CSMD2: variants seen among roughly 807,000 people sequenced by gnomAD.
The protein encoded by CSMD2 is CUB and Sushi multiple domains 2.
Under a neutral mutation model 398.5 loss-of-function variants are expected in CSMD2, and 130 were observed. The ratio of observed to expected loss-of-function variants is 0.33; its 90% CI spans 0.28 to 0.38. The LOEUF (loss-of-function observed/expected upper bound fraction) is 0.38. Among genes scored for constraint, CSMD2 ranks in the 10% least tolerant of loss-of-function variants. The pLI is 1.00. For missense variants in CSMD2, 3,829 were observed against 4,764.9 expected (o/e 0.80, Z 5.78); for synonymous variants, 1,828 against 1,908.5 (o/e 0.96, Z 1.10).
At chr1:33,634,640 G>A (rs1006738737) in intron 31 of CSMD2, among the ~76,000 whole-genome samples, 3 of 152,336 alleles carry the variant, frequency 2.0e-5, no homozygotes, top group African/African-American at 7.2e-5. Context: ...ATGAGCCTGG[G>A]TTGGTTTTTC....
chr1:33,788,530 C>G, intron 12 of CSMD2, 70 bp downstream of exon 12: 4 of 674,692 alleles, frequency 5.9e-6, no homozygotes, highest in Non-Finnish European at 1.0e-5. Context: ...AAAAAAAATT[C>G]TGACTGCAAA....
At chr1:33,911,118 A>T (rs1643423451) in intron 5 of CSMD2, among the ~76,000 whole-genome samples, 1 of 152,208 alleles carries the variant, frequency 6.6e-6, no homozygotes, top group Admixed American at 6.5e-5. Context: ...GGAAGGAATA[A>T]ATAACTCCTT....
intron 1 of CSMD2, among the ~76,000 whole-genome samples, chr1:34,092,895 T>C (rs1658802430): frequency 6.6e-6 from 1 of 151,982 alleles, no homozygotes; most frequent in Admixed American, 6.6e-5. Context: ...TCGAACTGGG[T>C]GGAGCCCACC....
At chr1:34,136,033 G>A (rs955326184) in intron 1 of CSMD2, among the ~76,000 whole-genome samples, 1 of 152,032 alleles carries the variant, frequency 6.6e-6, no homozygotes, top group Non-Finnish European at 1.5e-5. Flanking sequence ...AAAGGGAAGA[G>A]AAGGAGCAAG....
chr1:33,911,369 G>T (rs1643434457), intron 5 of CSMD2, among the ~76,000 whole-genome samples: 2 of 152,170 alleles, frequency 1.3e-5, no homozygotes, highest in Admixed American at 1.3e-4. Context: ...GCTCTTAAAT[G>T]AGATATCTAG....
intron 3 of CSMD2, among the ~76,000 whole-genome samples, chr1:34,003,378 T>C (rs1279813426): frequency 3.3e-5 from 5 of 152,188 alleles, no homozygotes; most frequent in African/African-American, 1.2e-4. Flanking sequence ...GTAACATAGT[T>C]TTGCGCCTTT....
chr1:33,605,483 C>T lies in CSMD2; in HGVS notation c.6344-13G>A. ...TGAAGTTCATAGGCTGGAAAAGATC[C>T]GGAGAAAAGGTCACTTTATTCTCTC... On this transcript the variant is annotated splice_polypyrimidine_tract_variant and intron_variant, in intron 41 of 70. Coordinates refer to ENST00000373381, the MANE Select transcript of CSMD2 (RefSeq NM_001281956.2). 6.2e-7 allele frequency: 1 copy of T among 1,613,528 alleles called. No homozygotes were observed.
At chr1:33,724,334 G>C (rs966363090) in intron 18 of CSMD2, 21 bp from the exon 19 acceptor site, 16 of 1,582,538 alleles carry the variant, frequency 1.0e-5, no homozygotes, top group African/African-American at 1.3e-5. Flanking sequence ...AGTGAAGAGG[G>C]CAGTGAAAGA....
chr1:33,791,694 C>T (rs1309129374), intron 11 of CSMD2, among the ~76,000 whole-genome samples: 1 of 152,102 alleles, frequency 6.6e-6, no homozygotes. Context: ...CAACATGTTG[C>T]CCAGGCTGGT....
chr1:33,585,440 C>A (rs1639018116), intron 46 of CSMD2, among the ~76,000 whole-genome samples: 1 of 152,218 alleles, frequency 6.6e-6, no homozygotes, highest in Admixed American at 6.5e-5. Flanking sequence ...CAGAATTTCA[C>A]AGGACGCATC....
chr1:33,684,124 G>A (rs554195154), intron 25 of CSMD2, among the ~76,000 whole-genome samples: 1 of 152,256 alleles, frequency 6.6e-6, no homozygotes, highest in East Asian at 1.9e-4. Flanking sequence ...CGACAGCAAG[G>A]GAATCCAGGC....
At chr1:34,154,380 T>C (rs1640608216) in intron 1 of CSMD2, among the ~76,000 whole-genome samples, 1 of 152,198 alleles carries the variant, frequency 6.6e-6, no homozygotes. Context: ...GGACCAAATC[T>C]TCCATCATAT....
intron 25 of CSMD2, among the ~76,000 whole-genome samples, chr1:33,679,494 CCAGCCT>C (rs1201725387): frequency 1.3e-5 from 2 of 152,130 alleles, no homozygotes; most frequent in African/African-American, 4.8e-5. Flanking sequence ...GCCACTGCGC[CCAGCCT>C]CAAATACTAG....
intron 7 of CSMD2, 151 bp from the exon 8 acceptor site, chr1:33,820,707 G>A (rs191525452): frequency 2.3e-5 from 14 of 612,708 alleles, no homozygotes; most frequent in East Asian, 1.3e-4. Context: ...TGGGGTGGCC[G>A]GAGTCTACTG....
intron 3 of CSMD2, among the ~76,000 whole-genome samples, chr1:33,968,102 C>T (rs888454081): frequency 7.9e-5 from 12 of 152,196 alleles, no homozygotes; most frequent in African/African-American, 2.4e-4. Context: ...GATGAGAAGC[C>T]CGACCCATTT....
intron 49 of CSMD2, among the ~76,000 whole-genome samples, chr1:33,576,808 T>G (rs1480542535): frequency 6.6e-6 from 1 of 152,130 alleles, no homozygotes; most frequent in Non-Finnish European, 1.5e-5. Flanking sequence ...TCTACCGTTT[T>G]TTTTTTTCTT....
chr1:33,533,911 C>T lies in CSMD2; in HGVS notation c.9880-4G>A, dbSNP rs779901458. On this transcript the variant is annotated splice_region_variant and splice_polypyrimidine_tract_variant and intron_variant, in intron 62 of 70. Transcript: ENST00000373381. The surrounding 1 kb of genome is among the most constrained non-coding windows in gnomAD (Gnocchi z 4.2). Reference sequence around the variant, plus strand: ...GGAAGAGGACTGTGCTTCCAACCTGCGGCAAGATACAAAGTCCCATCAGCC... The same window carrying T: ...GGAAGAGGACTGTGCTTCCAACCTGTGGCAAGATACAAAGTCCCATCAGCC... The T allele has an allele frequency of 2.1e-5, 33 of 1,595,892 alleles. No individual in the cohort carries two copies. The highest frequency in any genetic ancestry group is 5.4e-5 in the African/African-American group (4 of 74,688).
intron 51 of CSMD2, among the ~76,000 whole-genome samples, chr1:33,569,825 T>A (rs184081046): frequency 2.0e-5 from 3 of 152,172 alleles, no homozygotes; most frequent in Non-Finnish European, 2.9e-5. Context: ...ATTTTTTTAA[T>A]CCTCCTCAGG....
intron 44 of CSMD2, among the ~76,000 whole-genome samples, chr1:33,596,458 A>G (rs1639844727): frequency 6.6e-6 from 1 of 152,174 alleles, no homozygotes; most frequent in African/African-American, 2.4e-5. Context: ...ATGCTGTATT[A>G]GTCTGTTCTC....
Sources: gnomAD v4.1 joint callset for allele counts (sites outside exome capture counted in the v4.1 genomes callset) on GRCh38, gnomAD v4.1.1 for gene constraint, Gnocchi (gnomAD v3.1) non-coding constraint, MANE v1.5 for transcripts, NCBI Gene and HGNC (gene_info 2026-07-23, HGNC 2026-07-21) for gene names.